Variants in PAFAH1B2 observed in about 807,000 individuals in gnomAD.
The protein encoded by PAFAH1B2 is platelet-activating factor acetylhydrolase IB subunit alpha2.
In PAFAH1B2, 8 loss-of-function variants were observed where a neutral mutation model predicts 28.0. The ratio of observed to expected loss-of-function variants is 0.29; its 90% confidence interval spans 0.17 to 0.52. The LOEUF (loss-of-function observed/expected upper bound fraction) is 0.52, where lower values mean the gene tolerates loss of function less well. PAFAH1B2 is among the 20% of genes least tolerant of loss of function. The pLI is 0.97. For synonymous variants in PAFAH1B2, 104 were observed against 103.2 expected (o/e 1.01, Z -0.05); for missense variants, 190 against 282.6 (o/e 0.67, Z 2.35).
In PAFAH1B2 at chr11:117,169,348, T is replaced by A; in HGVS notation, c.*1649T>A. The stretch of plus-strand genomic sequence containing the variant: ...TTTATCAGTATACCTGTGGAATATG[T>A]ACAAACTGGATCTATAGATATTTTG... On this transcript the variant is annotated 3_prime_UTR_variant, in exon 6 of 6. Transcript: ENST00000527958. 1 of 1,050,140 alleles carries A rather than the reference T, an allele frequency of 9.5e-7. No homozygotes were observed. Among genetic ancestry groups the A allele is most frequent in the Non-Finnish European group, 1.1e-6 (1 of 869,840 alleles). 65.1% of individuals were successfully genotyped at this position (1,050,140 alleles called of 1,614,324 possible). A position where few individuals can be genotyped will look rare whatever the true frequency, so the allele number is the denominator to read the frequency against.
chr11:117,149,430 G>GTTCTTTTTTTTTTTT (rs1555027905), intron 1 of PAFAH1B2, among the ~76,000 whole-genome samples: 2 of 86,048 alleles, frequency 2.3e-5, no homozygotes, highest in Non-Finnish European at 4.3e-5. Context: ...TTTTCTAATC[G>GTTCTTTTTTTTTTTT]TTTTTTTTTT....
downstream of PAFAH1B2, among the ~76,000 whole-genome samples, chr11:117,174,555 C>T (rs540507820): frequency 3.5e-5 from 5 of 144,520 alleles, no homozygotes; most frequent in Non-Finnish European, 7.6e-5. Context: ...CTCAGCTCAC[C>T]GCAACCTCTG....
intron 5 of PAFAH1B2, among the ~76,000 whole-genome samples, chr11:117,165,009 G>A (rs1956470665): frequency 7.0e-6 from 1 of 142,754 alleles, no homozygotes; most frequent in Non-Finnish European, 1.5e-5. Flanking sequence ...AGGCTGGAGT[G>A]CAGTGGCATG....
chr11:117,162,780 T>G (rs1038191538), intron 4 of PAFAH1B2, among the ~76,000 whole-genome samples: 10 of 151,798 alleles, frequency 6.6e-5, no homozygotes, highest in Non-Finnish European at 1.5e-4. Flanking sequence ...AAAAATTTGT[T>G]AAAGTTGCAT....
chr11:117,170,103 G>C lies in PAFAH1B2; in HGVS notation c.*2404G>C. 1 of 1,055,520 alleles carries C rather than the reference G, an allele frequency of 9.5e-7. No individual in the cohort carries two copies. The highest frequency in any genetic ancestry group is 1.1e-6 in the Non-Finnish European group (1 of 873,296). The allele number at this position is 1,055,520 out of a possible 1,614,324, so 65.4% of individuals were successfully genotyped here. A position where few individuals can be genotyped will look rare whatever the true frequency, so the allele number is the denominator to read the frequency against. ...TTGAGTTCACTTTCATTTTTTGCCAGATTTCTTTGCACTACTTTAGGTAAA... is the reference window on the plus strand; with the variant it reads ...TTGAGTTCACTTTCATTTTTTGCCACATTTCTTTGCACTACTTTAGGTAAA... On this transcript the variant is annotated 3_prime_UTR_variant, in exon 6 of 6. Coordinates refer to ENST00000527958, the MANE Select transcript of PAFAH1B2 (RefSeq NM_002572.4).
downstream of PAFAH1B2, among the ~76,000 whole-genome samples, chr11:117,171,355 G>A (rs986433440): frequency 1.3e-5 from 2 of 152,158 alleles, no homozygotes; most frequent in African/African-American, 2.4e-5. Context: ...CACCTCATCT[G>A]AACTGGGTGA....
intron 5 of PAFAH1B2, 80 bp from the exon 6 acceptor site, chr11:117,167,341 C>A: frequency 7.3e-7 from 1 of 1,374,260 alleles, no homozygotes; most frequent in Non-Finnish European, 9.7e-7. Context: ...GGAGATGTTC[C>A]AGGAATATCT....
intron 5 of PAFAH1B2, among the ~76,000 whole-genome samples, chr11:117,165,207 C>T (rs1358798686): frequency 6.6e-6 from 1 of 151,526 alleles, no homozygotes; most frequent in Non-Finnish European, 1.5e-5. Flanking sequence ...CTGCCTTGGC[C>T]TCCCAAAGTG....
downstream of PAFAH1B2, among the ~76,000 whole-genome samples, chr11:117,171,455 G>C (rs1051119389): frequency 6.6e-6 from 1 of 151,920 alleles, no homozygotes; most frequent in African/African-American, 2.4e-5. Flanking sequence ...AGAATTGCTT[G>C]AACCCAGGAG....
intron 1 of PAFAH1B2, among the ~76,000 whole-genome samples, chr11:117,147,200 G>A (rs565378033): frequency 2.0e-4 from 30 of 152,244 alleles, no homozygotes; most frequent in African/African-American, 6.3e-4. Context: ...CCCGAGAGGC[G>A]GAGGTTGCAG....
intron 1 of PAFAH1B2, among the ~76,000 whole-genome samples, chr11:117,145,695 CCTT>C (rs577094788): frequency 2.2e-4 from 33 of 152,266 alleles, no homozygotes; most frequent in African/African-American, 7.0e-4. Flanking sequence ...ATAAGGGCCG[CCTT>C]CTTCTTCAGA....
intron 5 of PAFAH1B2, 190 bp downstream of exon 5, chr11:117,164,082 C>A: frequency 3.7e-6 from 2 of 545,168 alleles, no homozygotes; most frequent in Non-Finnish European, 6.4e-6. Flanking sequence ...AGCTGTGGGG[C>A]CATCTTTTAT....
At chr11:117,175,486 A>G (rs556842420), downstream of PAFAH1B2, 67 of 1,086,866 alleles carry the variant, frequency 6.2e-5, no homozygotes, top group African/African-American at 9.2e-4. Context: ...CTGACGATTC[A>G]AAAGTTAAGT....
At position 117,152,478 on chromosome 11, in the gene PAFAH1B2, A is replaced by C; in HGVS notation, c.31A>C (p.Ile11Leu). Reference protein sequence around the residue: MSQGDSNPAAIPHAAEDIQGD... With the variant: MSQGDSNPAALPHAAEDIQGD... ...CCAAGGAGACTCAAACCCAGCAGCTATTCCGCATGCAGCAGAAGATATTCA... is the reference window on the plus strand; with the variant it reads ...CCAAGGAGACTCAAACCCAGCAGCTCTTCCGCATGCAGCAGAAGATATTCA... The change falls in exon 2 of 6, where the codon ATT becomes CTT. Residue 11 changes from isoleucine (I) to leucine (L), a missense_variant. By Grantham distance (5) the Ile-to-Leu change is conservative. Coordinates refer to ENST00000527958, the MANE Select transcript of PAFAH1B2 (RefSeq NM_002572.4). 1.9e-6 allele frequency: 3 copies of C among 1,613,992 alleles called. No homozygotes were observed. The highest frequency in any genetic ancestry group is 2.5e-6 in the Non-Finnish European group (3 of 1,179,818).
chr11:117,168,561 A>G lies in PAFAH1B2; in HGVS notation c.*862A>G. The G allele has an allele frequency of 9.5e-7, 1 of 1,052,116 alleles. No homozygotes were observed. Among genetic ancestry groups the G allele is most frequent in the Non-Finnish European group, 1.1e-6 (1 of 873,944 alleles). 65.2% of individuals were successfully genotyped at this position (1,052,116 alleles called of 1,614,324 possible). A position where few individuals can be genotyped will look rare whatever the true frequency, so the allele number is the denominator to read the frequency against. ...TAGTCTCCAGCCAGTTACTCTCATG[A>G]TAGTACTGCTATAAAACTCATTCTT... On this transcript the variant is annotated 3_prime_UTR_variant, in exon 6 of 6. Coordinates refer to ENST00000527958, the MANE Select transcript of PAFAH1B2 (RefSeq NM_002572.4).
downstream of PAFAH1B2, chr11:117,174,815 A>G (rs1001236481): frequency 3.5e-6 from 3 of 851,336 alleles, no homozygotes; most frequent in Non-Finnish European, 3.5e-6. Flanking sequence ...GGCTTTTACC[A>G]TGTTGGCCAG....
intron 1 of PAFAH1B2, among the ~76,000 whole-genome samples, chr11:117,145,264 T>G (rs980256266): frequency 3.3e-5 from 5 of 152,176 alleles, no homozygotes; most frequent in African/African-American, 1.2e-4. Context: ...GCGTGGTGAC[T>G]CATGCTTCTG....
downstream of PAFAH1B2, chr11:117,175,156 AG>A: frequency 4.3e-6 from 5 of 1,175,104 alleles, no homozygotes; most frequent in Non-Finnish European, 5.3e-6. Flanking sequence ...TGACCGCTTG[AG>A]GGCCACGGTT....
downstream of PAFAH1B2, among the ~76,000 whole-genome samples, chr11:117,174,083 C>T (rs1032655974): frequency 6.6e-6 from 1 of 151,938 alleles, no homozygotes; most frequent in African/African-American, 2.4e-5. Flanking sequence ...CTCCCAGGTT[C>T]CTAAATAATT....
Sources: gnomAD v4.1 joint callset for allele counts (sites outside exome capture counted in the v4.1 genomes callset) on GRCh38, gnomAD v4.1.1 for gene constraint, MANE v1.5 for transcripts, NCBI Gene and HGNC (gene_info 2026-07-23, HGNC 2026-07-21) for gene names.